NDNF: variants seen among roughly 807,000 people sequenced by gnomAD.
NDNF encodes the protein neuron derived neurotrophic factor, also known as protein NDNF.
NDNF carries 16 observed loss-of-function variants against 42.0 expected under a neutral mutation model. That is an observed-to-expected ratio of 0.38 (90% confidence interval 0.26 to 0.58). The LOEUF is 0.58. NDNF is among the 20% of genes least tolerant of loss of function. NDNF has a pLI of 0.67. For synonymous variants in NDNF, 248 were observed against 251.7 expected (o/e 0.99, Z 0.14); for missense variants, 616 against 666.2 (o/e 0.92, Z 0.83).
At chr4:121,037,838 T>C (rs573121283) in intron 3 of NDNF, 181 bp from the exon 4 acceptor site, 4 of 502,178 alleles carry the variant, frequency 8.0e-6, no homozygotes, top group Admixed American at 3.7e-5. Context: ...AATGTTCTTA[T>C]ATATGTGTAA....
Position 121,037,103 on chromosome 4 carries a change from T to G in NDNF, c.868A>C (p.Lys290Gln). The change falls in exon 4 of 4, where the codon AAA (lysine) becomes CAA (glutamine). Residue 290 changes from lysine to glutamine, a missense_variant. By Grantham distance (53) the Lys-to-Gln change is moderately conservative (BLOSUM62 1). Coordinates refer to ENST00000379692, the MANE Select transcript of NDNF (RefSeq NM_024574.4). ...VYSRPKVDIQKICIGNKNIFT... is the reference protein window; with the variant it reads ...VYSRPKVDIQQICIGNKNIFT... ...ATGTTCTTGTTTCCTATGCAGATTTTCTGAATATCAACCTTGGGCCTGGAG... is the reference window on the plus strand; with the variant it reads ...ATGTTCTTGTTTCCTATGCAGATTTGCTGAATATCAACCTTGGGCCTGGAG... 1 of 1,613,924 alleles carries G rather than the reference T, an allele frequency of 6.2e-7. No individual in the cohort carries two copies. Among genetic ancestry groups the G allele is most frequent in the Non-Finnish European group, 8.5e-7 (1 of 1,180,000 alleles).
intron 1 of NDNF, among the ~76,000 whole-genome samples, chr4:121,067,774 A>C (rs1294670812): frequency 2.0e-5 from 3 of 152,196 alleles, no homozygotes; most frequent in Non-Finnish European, 4.4e-5. Context: ...TTATTGGGGG[A>C]ATTAACATTA....
At position 121,036,344 on chromosome 4, in the gene NDNF, G is replaced by T. The variant is rs150533956; in HGVS notation, c.1627C>A (p.Leu543Met). 1.2e-6 allele frequency: 2 copies of T among 1,613,966 alleles called. No homozygotes were observed. The highest frequency in any genetic ancestry group is 2.7e-5 in the African/African-American group (2 of 74,890). Reference sequence around the variant, plus strand: ...CCATGTCCTATGACATAAACATCCAGCAGGTAAGATTTGCCAGGCTGAAGA... The same window carrying T: ...CCATGTCCTATGACATAAACATCCATCAGGTAAGATTTGCCAGGCTGAAGA... ...KGLQPGKSYL[L>M]DVYVIGHGGH... The change falls in exon 4 of 4, where the codon CTG becomes ATG. Residue 543 changes from leucine (L) to methionine (M), a missense_variant. By Grantham distance (15) the Leu-to-Met change is conservative. Coordinates refer to ENST00000379692, the MANE Select transcript of NDNF (RefSeq NM_024574.4).
intron 1 of NDNF, among the ~76,000 whole-genome samples, chr4:121,065,217 T>G (rs1173371167): frequency 6.6e-6 from 1 of 152,258 alleles, no homozygotes; most frequent in African/African-American, 2.4e-5. Context: ...TTAATTGATA[T>G]AGTATTAAGT....
rs1726860273 is a variant in NDNF at position 121,036,169 on chromosome 4, CA to C, written c.*94del. The C allele has an allele frequency of 1.0e-6, 1 of 997,394 alleles. No homozygotes were observed. The highest frequency in any genetic ancestry group is 2.3e-5 in the Admixed American group (1 of 43,456). 61.8% of individuals were successfully genotyped at this position (997,394 alleles called of 1,614,324 possible). A position where few individuals can be genotyped will look rare whatever the true frequency, so the allele number is the denominator to read the frequency against. The stretch of plus-strand genomic sequence containing the variant: ...CCTTCCATAGTACAAGTACAGGTCA[CA>C]ACTTCTCTCAACTGTGGGAGTAGTC... On this transcript the variant is annotated 3_prime_UTR_variant, in exon 4 of 4. Transcript: ENST00000379692.
In NDNF at chr4:121,036,394, G is replaced by A. The variant is rs750619386; in HGVS notation, c.1577C>T (p.Ala526Val). Reference protein sequence around the residue: ...KYFHSQNLQKAVTTETIKGLQ... With the variant: ...KYFHSQNLQKVVTTETIKGLQ... ...ACCTTTAATTGTTTCTGTGGTCACTGCTTTCTGCAGGTTTTGACTGTGGAA... is the reference window on the plus strand; with the variant it reads ...ACCTTTAATTGTTTCTGTGGTCACTACTTTCTGCAGGTTTTGACTGTGGAA... The change falls in exon 4 of 4, where the codon GCA (alanine) becomes GTA (valine). Residue 526 changes from alanine (A) to valine (V), a missense_variant. Physicochemically the swap from Ala to Val is moderately conservative, Grantham distance 64. Coordinates refer to ENST00000379692, the MANE Select transcript of NDNF (RefSeq NM_024574.4). 36 of 1,614,044 alleles carry A rather than the reference G, an allele frequency of 2.2e-5. No homozygotes were observed. The Admixed American group carries it at 6.0e-4, about 27-fold the overall frequency.
At chr4:121,064,447 T>C (rs565903606) in intron 1 of NDNF, among the ~76,000 whole-genome samples, 1 of 152,122 alleles carries the variant, frequency 6.6e-6, no homozygotes, top group Non-Finnish European at 1.5e-5. Flanking sequence ...AAAGAAAAAC[T>C]TCAAAATATA....
chr4:121,036,169 C>T lies in NDNF; in HGVS notation c.*95G>A, dbSNP rs866026189. 31 of 997,512 alleles carry T rather than the reference C, an allele frequency of 3.1e-5. 1 individual carries two copies. The Middle Eastern group carries it at 5.3e-3, about 169-fold the overall frequency. 61.8% of individuals were successfully genotyped at this position (997,512 alleles called of 1,614,324 possible). A position where few individuals can be genotyped will look rare whatever the true frequency, so the allele number is the denominator to read the frequency against. ...CCTTCCATAGTACAAGTACAGGTCA[C>T]AACTTCTCTCAACTGTGGGAGTAGT... is the stretch of plus-strand genomic sequence containing the variant. On this transcript the variant is annotated 3_prime_UTR_variant, in exon 4 of 4. Transcript: ENST00000379692.
rs565250745 is a variant in NDNF at position 121,035,781 on chromosome 4, T to C, written c.*483A>G. ...GACTAGAGGGCTATCAACTTAATAA[T>C]ACTTAGATTAGATCTGTACTTTAAT... On this transcript the variant is annotated 3_prime_UTR_variant, in exon 4 of 4. Transcript: ENST00000379692. 6.5e-6 allele frequency: 1 copy of C among 152,802 alleles called. No individual in the cohort carries two copies. The highest frequency in any genetic ancestry group is 1.9e-4 in the East Asian group (1 of 5,192). 9.5% of individuals were successfully genotyped at this position (152,802 alleles called of 1,614,324 possible).
intron 2 of NDNF, among the ~76,000 whole-genome samples, chr4:121,040,926 T>G (rs1010547400): frequency 6.6e-5 from 10 of 152,312 alleles, no homozygotes; most frequent in African/African-American, 2.4e-4. Flanking sequence ...ATTACAAGTG[T>G]GAGGCACCAT....
rs1726892608 is a variant in NDNF at position 121,037,308 on chromosome 4, G to A, written c.663C>T (p.Phe221=). 6.2e-7 allele frequency: 1 copy of A among 1,614,096 alleles called. No individual in the cohort carries two copies. Among genetic ancestry groups the A allele is most frequent in the Non-Finnish European group, 8.5e-7 (1 of 1,180,014 alleles). Residue 221 remains phenylalanine (F), a synonymous_variant, in exon 4 of 4, where the codon TTC becomes TTT. Transcript: ENST00000379692. ...TTGCTTCCACTGCACAGAGACTTTT[G>A]AAATTGTGCTCTTTGTTGATGACCA... ...YCVVINKEHN[F]KSLCAVEAKL...
intron 1 of NDNF, among the ~76,000 whole-genome samples, chr4:121,065,739 CAT>C (rs1301683977): frequency 6.6e-6 from 1 of 150,586 alleles, no homozygotes; most frequent in Non-Finnish European, 1.5e-5. Flanking sequence ...CACACACACA[CAT>C]ATATTTTACA....
chr4:121,039,164 T>TATATGTATATATAC (rs1726937851), intron 3 of NDNF, among the ~76,000 whole-genome samples: 1 of 55,534 alleles, frequency 1.8e-5, no homozygotes, highest in Non-Finnish European at 4.7e-5. Flanking sequence ...TATGTATATA[T>TATATGTATATATAC]ATATATAAAG....
chr4:121,061,156 A>T (rs936965356), intron 1 of NDNF: 1 of 152,212 alleles, frequency 6.6e-6, no homozygotes, highest in Non-Finnish European at 1.5e-5. Flanking sequence ...TGTAAAATCC[A>T]AGGCCCCCCA....
intron 1 of NDNF, among the ~76,000 whole-genome samples, chr4:121,066,437 C>A (rs149255407): frequency 6.6e-6 from 1 of 152,228 alleles, no homozygotes; most frequent in African/African-American, 2.4e-5. Flanking sequence ...CTAAATTGGA[C>A]AAAGTAATCC....
At chr4:121,070,569 G>A (rs1727573501) in intron 1 of NDNF, among the ~76,000 whole-genome samples, 1 of 152,176 alleles carries the variant, frequency 6.6e-6, no homozygotes, top group African/African-American at 2.4e-5. Context: ...GAGGCAGCAG[G>A]AGGAGGGGTG....
chr4:121,037,640 C>G lies in NDNF; in HGVS notation c.331G>C (p.Glu111Gln). The G allele has an allele frequency of 6.3e-7, 1 of 1,581,660 alleles. No individual in the cohort carries two copies. Among genetic ancestry groups the G allele is most frequent in the Non-Finnish European group, 8.6e-7 (1 of 1,169,118 alleles). The change falls in exon 4 of 4, where the codon GAG becomes CAG. Residue 111 changes from glutamate to glutamine, a missense_variant. Transcript: ENST00000379692. ...TTAATGATCTGCTGCTTCTGCTGCT[C>G]AAGAGGTTCCAGATCACCTAGAAAA... The part of the protein sequence containing the change: ...GEGSGDLEPL[E>Q]QQKQQIINEE...
intron 1 of NDNF, chr4:121,061,043 A>G (rs186842887): frequency 8.5e-5 from 13 of 152,330 alleles, no homozygotes; most frequent in African/African-American, 2.6e-4. Flanking sequence ...TTATTTCCAG[A>G]AAAAAGGGGA....
chr4:121,055,419 A>T (rs1188745724), intron 1 of NDNF, among the ~76,000 whole-genome samples: 1 of 152,156 alleles, frequency 6.6e-6, no homozygotes, highest in African/African-American at 2.4e-5. Flanking sequence ...AAAAAAGAGG[A>T]ATAAAAAATA....
Sources: allele counts gnomAD v4.1 joint callset (sites outside exome capture counted in the v4.1 genomes callset), GRCh38; gene constraint gnomAD v4.1.1; transcripts MANE v1.5; gene names NCBI Gene and HGNC (gene_info 2026-07-23, HGNC 2026-07-21).